The following PKN2 variants were observed in gnomAD, a reference collection of about 807,000 sequenced individuals.
PKN2 encodes serine/threonine-protein kinase N2.
Under a neutral mutation model 119.1 loss-of-function variants are expected in PKN2, and 38 were observed. The observed-to-expected ratio is 0.32, with a 90% CI of 0.25 to 0.42. The LOEUF is 0.42. PKN2 is among the 10% of genes least tolerant of loss of function. The pLI is 1.00. For synonymous variants in PKN2, 390 were observed against 384.9 expected, an observed-to-expected ratio of 1.01 and a Z score of -0.15; for missense variants, 850 against 1,165.1, an observed-to-expected ratio of 0.73 and a Z score of 3.94.
In PKN2 at chr1:88,779,702, T is replaced by G. The variant is rs58544014; in HGVS notation, c.986-4937T>G. On this transcript the variant is annotated intron_variant, in intron 6 of 21. Coordinates refer to ENST00000370521, the MANE Select transcript of PKN2 (RefSeq NM_006256.4). ...TTGAGGTTATGAAAGTGTTCTTCAA[T>G]ATTGCATAGCATACTATCACATTCC... Among the ~76,000 whole-genome samples, 1,193 of 152,334 alleles carry G rather than the reference T, an allele frequency of 7.8e-3. 9 individuals are homozygous for G. The highest frequency in any genetic ancestry group is 0.027 in the African/African-American group (1,120 of 41,568).
Position 88,828,499 on chromosome 1 carries a change from G to C in PKN2, c.2438G>C (p.Arg813Thr), listed in dbSNP as rs1672600130. ...LCKEGMGYGD[R>T]TSTFCGTPEF... is the part of the protein sequence containing the mutation. ...TTTCCAGGAATGGGATATGGAGATA[G>C]AACAAGCACATTTTGTGGCACTCCT... is the stretch of plus-strand genomic sequence containing the variant. The change falls in exon 19 of 22, where the codon AGA becomes ACA. Residue 813 changes from arginine to threonine, a missense_variant. Physicochemically the swap from Arg to Thr is moderately conservative, Grantham distance 71. Coordinates refer to ENST00000370521, the MANE Select transcript of PKN2 (RefSeq NM_006256.4). The C allele has an allele frequency of 6.2e-7, 1 of 1,612,012 alleles. No homozygotes were observed.
intron 2 of PKN2, among the ~76,000 whole-genome samples, chr1:88,743,726 A>C (rs1258854526): frequency 6.6e-6 from 1 of 152,200 alleles, no homozygotes; most frequent in African/African-American, 2.4e-5. Flanking sequence ...TATATCTCAA[A>C]ATAGAAAAAC....
At chr1:88,782,481 A>G (rs1670384740) in intron 6 of PKN2, among the ~76,000 whole-genome samples, 1 of 152,032 alleles carries the variant, frequency 6.6e-6, no homozygotes, top group South Asian at 2.1e-4. Context: ...TTAAACTCAC[A>G]GTTAATATAT....
intron 1 of PKN2, among the ~76,000 whole-genome samples, chr1:88,698,525 T>C (rs141516574): frequency 1.5e-4 from 23 of 152,352 alleles, no homozygotes; most frequent in African/African-American, 5.5e-4. Flanking sequence ...TGTTATATAA[T>C]CTTTTAGAGG....
intron 2 of PKN2, among the ~76,000 whole-genome samples, chr1:88,754,819 C>T (rs190710104): frequency 6.6e-6 from 1 of 152,142 alleles, no homozygotes; most frequent in Non-Finnish European, 1.5e-5. Flanking sequence ...CTACTGTAAC[C>T]CAGACATGCC....
At chr1:88,778,807 G>A (rs1670211253) in intron 6 of PKN2, among the ~76,000 whole-genome samples, 1 of 151,878 alleles carries the variant, frequency 6.6e-6, no homozygotes, top group Admixed American at 6.6e-5. Context: ...TCCGCCTCCT[G>A]GATTCACACC....
At chr1:88,717,889 A>AT (rs1041917431) in intron 1 of PKN2, among the ~76,000 whole-genome samples, 9 of 151,796 alleles carry the variant, frequency 5.9e-5, no homozygotes, top group Non-Finnish European at 1.2e-4. Context: ...GGTTTTTAGA[A>AT]TTTTCAGCTT....
intron 1 of PKN2, among the ~76,000 whole-genome samples, chr1:88,723,029 G>A (rs923510178): frequency 3.3e-5 from 5 of 152,120 alleles, no homozygotes; most frequent in Non-Finnish European, 7.4e-5. Context: ...TTTCCACCTC[G>A]ACCTGAAGGA....
intron 15 of PKN2, among the ~76,000 whole-genome samples, 199 bp from the exon 16 acceptor site, chr1:88,813,358 A>G (rs1321960010): frequency 6.6e-6 from 1 of 152,192 alleles, no homozygotes; most frequent in Non-Finnish European, 1.5e-5. Flanking sequence ...TAAAGTTTCT[A>G]TTAATATATT....
At chr1:88,784,022 G>A (rs1670463564) in intron 6 of PKN2, among the ~76,000 whole-genome samples, 1 of 151,846 alleles carries the variant, frequency 6.6e-6, no homozygotes, top group Non-Finnish European at 1.5e-5. Flanking sequence ...CCATTTTAGT[G>A]GCATATTATT....
intron 2 of PKN2, among the ~76,000 whole-genome samples, chr1:88,741,971 C>A (rs146176087): frequency 6.6e-6 from 1 of 151,626 alleles, no homozygotes; most frequent in Admixed American, 6.6e-5. Context: ...TTTCTTAGAC[C>A]GTCTCCTTAA....
intron 6 of PKN2, among the ~76,000 whole-genome samples, chr1:88,775,625 G>T (rs1028230992): frequency 6.6e-5 from 10 of 152,020 alleles, no homozygotes; most frequent in African/African-American, 2.4e-4. Flanking sequence ...TATAACTAAT[G>T]TCCTAAATTT....
intron 1 of PKN2, among the ~76,000 whole-genome samples, chr1:88,739,095 C>CTA (rs1205926384): frequency 6.6e-6 from 1 of 151,154 alleles, no homozygotes; most frequent in Non-Finnish European, 1.5e-5. Context: ...AATTCTTAAC[C>CTA]TAGGATCCGT....
At chr1:88,753,780 C>T (rs1669095623) in intron 2 of PKN2, among the ~76,000 whole-genome samples, 1 of 152,050 alleles carries the variant, frequency 6.6e-6, no homozygotes, top group Non-Finnish European at 1.5e-5. Context: ...TAAAGACCCA[C>T]ACCCATGATC....
At chr1:88,749,991 T>C (rs1191885964) in intron 2 of PKN2, among the ~76,000 whole-genome samples, 1 of 152,220 alleles carries the variant, frequency 6.6e-6, no homozygotes, top group East Asian at 1.9e-4. Flanking sequence ...TTATATCATC[T>C]GAGATGTCAT....
intron 4 of PKN2, 61 bp downstream of exon 4, chr1:88,770,530 GA>G (rs1669843947): frequency 1.1e-6 from 1 of 880,334 alleles, no homozygotes; most frequent in Admixed American, 1.7e-5. Context: ...TCTTATGCAG[GA>G]ACAGGGCAGT....
intron 8 of PKN2, among the ~76,000 whole-genome samples, chr1:88,793,707 G>A (rs930245042): frequency 6.6e-6 from 1 of 151,942 alleles, no homozygotes; most frequent in Non-Finnish European, 1.5e-5. Context: ...TATATAAAAT[G>A]GTGTATTTGC....
At chr1:88,692,908 A>C (rs1351703381) in intron 1 of PKN2, among the ~76,000 whole-genome samples, 1 of 152,192 alleles carries the variant, frequency 6.6e-6, no homozygotes, top group Non-Finnish European at 1.5e-5. Context: ...TTTAATATCT[A>C]TTGTACATTT....
At chr1:88,818,370 G>T (rs1305864742) in intron 16 of PKN2, among the ~76,000 whole-genome samples, 5 of 152,158 alleles carry the variant, frequency 3.3e-5, no homozygotes, top group African/African-American at 1.2e-4. Flanking sequence ...GCTTTAGGCT[G>T]GGTGTGGTGG....
Sources: gnomAD v4.1 joint callset for allele counts (sites outside exome capture counted in the v4.1 genomes callset) on GRCh38, gnomAD v4.1.1 for gene constraint, MANE v1.5 for transcripts, NCBI Gene and HGNC (gene_info 2026-07-23, HGNC 2026-07-21) for gene names.